NAPSA: variants seen among roughly 807,000 people sequenced by gnomAD.
NAPSA encodes the protein napsin A aspartic peptidase, also known as napsin-A.
Under a neutral mutation model 36.7 loss-of-function variants are expected in NAPSA, and 37 were observed. The ratio of observed to expected loss-of-function variants is 1.01; its 90% CI spans 0.78 to 1.33. NAPSA has a LOEUF of 1.33. NAPSA is among the 40% of genes most tolerant of loss of function. The pLI, the probability that NAPSA is intolerant of heterozygous loss-of-function variation, is 0.00. For synonymous variants in NAPSA, 222 were observed against 234.5 expected, an observed-to-expected ratio of 0.95 and a Z score of 0.49; for missense variants, 532 against 543.8, an observed-to-expected ratio of 0.98 and a Z score of 0.21.
rs929403759 is a variant in NAPSA, at chr19:50,358,753, A to G, written c.1063T>C (p.Leu355=). The G allele has an allele frequency of 3.7e-6, 6 of 1,612,948 alleles. No individual in the cohort carries two copies. The highest frequency in any genetic ancestry group is 5.1e-6 in the Non-Finnish European group (6 of 1,179,844). ...ACATCCAGGGCCTGGAAACCGGACA[A>G]GCAGAGGCGGACGCCATTTCGAGTA... ...QTTRNGVRLC[L]SGFQALDVPP... Residue 355 remains leucine, a synonymous_variant, in exon 9 of 9, where the codon TTG becomes CTG. Transcript: ENST00000253719.
chr19:50,359,837 C>G lies in NAPSA; in HGVS notation c.694G>C (p.Glu232Gln). The G allele has an allele frequency of 1.2e-6, 2 of 1,614,216 alleles. No individual in the cohort carries two copies. The highest frequency in any genetic ancestry group is 1.7e-6 in the Non-Finnish European group (2 of 1,180,026). Residue 232 changes from glutamate (E) to glutamine (Q), a missense_variant, in exon 6 of 9, where the codon GAG becomes CAG. Glu to Gln is a conservative substitution (Grantham distance 29, BLOSUM62 2). Around this residue, in one of 3 missense-constraint regions of NAPSA, gnomAD observed 385 missense variants for 371.5 expected, o/e 1.04. Transcript: ENST00000253719. ...NRDPEEPDGG[E>Q]LVLGGSDPAH... ...GGGTCCGAGCCCCCCAGGACCAGCT[C>G]TCCTCCATCAGGCTCTTCAGGGTCC...
chr19:50,359,926 A>G, intron 5 of NAPSA, 64 bp from the exon 6 acceptor site: 2 of 1,557,986 alleles, frequency 1.3e-6, no homozygotes, highest in Non-Finnish European at 8.7e-7. Context: ...AGCCCTAGGT[A>G]TTGCCAGGAA....
upstream of NAPSA, among the ~76,000 whole-genome samples, chr19:50,367,793 G>A (rs1018893418): frequency 2.0e-5 from 3 of 152,132 alleles, no homozygotes; most frequent in African/African-American, 7.2e-5. Flanking sequence ...CTTCCCTTCA[G>A]GGCATCAAGT....
upstream of NAPSA, among the ~76,000 whole-genome samples, chr19:50,366,646 GTTATTTATTTATTTATTTAT>G (rs56341915): frequency 1.4e-5 from 2 of 144,944 alleles, no homozygotes; most frequent in African/African-American, 2.5e-5. Context: ...GCATTGATGA[GTTATTTATTTATTTATTTAT>G]TTATTTATTT....
rs748885038 is a variant in NAPSA, at chr19:50,365,636, G to A, written c.-15C>T. The A allele has an allele frequency of 2.5e-6, 4 of 1,598,400 alleles. No homozygotes were observed. Among genetic ancestry groups the A allele is most frequent in the Non-Finnish European group, 2.6e-6 (3 of 1,172,610 alleles). ...GGTGGAGACATCGCTGGGGACCTGG[G>A]TGTGAACCCAGGTGTCCTGGGGCCT... is the stretch of plus-strand genomic sequence containing the variant. On this transcript the variant is annotated 5_prime_UTR_variant, in exon 1 of 9. Coordinates refer to ENST00000253719, the MANE Select transcript of NAPSA (RefSeq NM_004851.3).
At position 50,361,698 on chromosome 19, in the gene NAPSA, G is replaced by C; in HGVS notation, c.433C>G (p.Arg145Gly). The change falls in exon 4 of 9, where the codon CGG (arginine) becomes GGG (glycine). Residue 145 changes from arginine (R) to glycine (G), a missense_variant. Around this residue, in one of 3 missense-constraint regions of NAPSA, gnomAD observed 385 missense variants for 371.5 expected, o/e 1.04. Coordinates refer to ENST00000253719, the MANE Select transcript of NAPSA (RefSeq NM_004851.3). ...TKFAIQYGTGRVDGILSEDKL... is the reference protein window; with the variant it reads ...TKFAIQYGTGGVDGILSEDKL... The stretch of plus-strand genomic sequence containing the variant: ...TCCTCGCTCAGGATTCCATCTACCC[G>C]CCCAGTTCCATATTGAATGGCAAAC... 4.3e-6 allele frequency: 7 copies of C among 1,613,938 alleles called. No homozygotes were observed. Among genetic ancestry groups the C allele is most frequent in the Non-Finnish European group, 5.9e-6 (7 of 1,179,980 alleles).
intron 1 of NAPSA, 98 bp from the exon 2 acceptor site, chr19:50,362,411 A>G: frequency 8.7e-7 from 1 of 1,150,486 alleles, no homozygotes; most frequent in South Asian, 1.6e-5. Context: ...CAACATCTCC[A>G]AGGCACTACA....
rs768712866 is a variant in NAPSA, at chr19:50,359,618, CAGAG to C, written c.817_820del (p.Leu273ValfsTer117). 2 of 1,614,200 alleles carry C rather than the reference CAGAG, an allele frequency of 1.2e-6. No homozygotes were observed. Among genetic ancestry groups the C allele is most frequent in the South Asian group, 2.2e-5 (2 of 91,082 alleles). ...CAGGATGGCAGCACAGCCCTTGGCA[CAGAG>C]AGTCAGCCCTGGGCCCACCTTCACA... On this transcript the variant is annotated frameshift_variant, in exon 7 of 9. Transcript: ENST00000253719. LOFTEE classifies it high-confidence loss of function.
chr19:50,360,022 C>T (rs1158437037), intron 5 of NAPSA, among the ~76,000 whole-genome samples, 160 bp from the exon 6 acceptor site: 4 of 152,248 alleles, frequency 2.6e-5, no homozygotes, highest in Admixed American at 6.5e-5. Flanking sequence ...GACTGGAAGC[C>T]GGGCAAGAAA....
chr19:50,358,792 C>T lies in NAPSA; in HGVS notation c.1036-12G>A. On this transcript the variant is annotated splice_polypyrimidine_tract_variant and intron_variant, in intron 8 of 8. Transcript: ENST00000253719. The stretch of plus-strand genomic sequence containing the variant: ...CCATTTCGAGTAGTCTGCAAGGCAA[C>T]AAGACGACAACTGGGTGTCGCGGCC... 1.2e-6 allele frequency: 2 copies of T among 1,600,174 alleles called. No individual in the cohort carries two copies. Among genetic ancestry groups the T allele is most frequent in the Non-Finnish European group, 1.7e-6 (2 of 1,173,092 alleles).
upstream of NAPSA, among the ~76,000 whole-genome samples, chr19:50,367,027 A>G (rs2037557252): frequency 6.6e-6 from 1 of 151,882 alleles, no homozygotes; most frequent in African/African-American, 2.4e-5. Flanking sequence ...GTTTCATCAT[A>G]TTGGTCAGGC....
Position 50,358,782 on chromosome 19 carries a change from T to G in NAPSA, c.1036-2A>C, listed in dbSNP as rs1460536019. 1 of 1,606,460 alleles carries G rather than the reference T, an allele frequency of 6.2e-7. No individual in the cohort carries two copies. On this transcript the variant is annotated splice_acceptor_variant, in intron 8 of 8. Transcript: ENST00000253719. LOFTEE classifies it high-confidence loss of function. ...GAGGCGGACGCCATTTCGAGTAGTC[T>G]GCAAGGCAACAAGACGACAACTGGG...
intron 7 of NAPSA, 143 bp from the exon 8 acceptor site, chr19:50,359,252 CT>C: frequency 1.2e-6 from 1 of 859,344 alleles, no homozygotes; most frequent in African/African-American, 1.7e-5. Context: ...GCCGCCTAGA[CT>C]TACGCAGTCC....
At chr19:50,361,864 GCATGATAAAAGAACAGT>G in intron 3 of NAPSA, 83 bp from the exon 4 acceptor site, 1 of 1,601,074 alleles carries the variant, frequency 6.2e-7, no homozygotes, top group South Asian at 1.1e-5. Flanking sequence ...ACCTGTGAGG[GCATGATAAAAGAACAGT>G]TCCTCAAAAG....
upstream of NAPSA, among the ~76,000 whole-genome samples, chr19:50,366,784 C>T (rs1360889360): frequency 6.6e-6 from 1 of 151,690 alleles, no homozygotes; most frequent in Admixed American, 6.6e-5. Context: ...AATTCTGCCT[C>T]AGCCTCCCGA....
intron 5 of NAPSA, among the ~76,000 whole-genome samples, chr19:50,360,360 A>T (rs2037456025): frequency 6.6e-6 from 1 of 152,108 alleles, no homozygotes; most frequent in East Asian, 1.9e-4. Context: ...GGTTGGTAGA[A>T]CTGCTAGAGT....
Position 50,358,697 on chromosome 19 carries a change from G to A in NAPSA, c.1119C>T (p.Leu373=), listed in dbSNP as rs1056659079. The change falls in exon 9 of 9, where the codon CTC becomes CTT. Residue 373 remains leucine (L), a synonymous_variant. Coordinates refer to ENST00000253719, the MANE Select transcript of NAPSA (RefSeq NM_004851.3). ...VPPPAGPFWI[L]GDVFLGTYVA... Reference sequence around the variant, plus strand: ...CATACGTCCCCAAGAAGACGTCACCGAGGATCCAGAAGGGCCCTGCAGGCG... The same window carrying A: ...CATACGTCCCCAAGAAGACGTCACCAAGGATCCAGAAGGGCCCTGCAGGCG... 26 of 1,613,496 alleles carry A rather than the reference G, an allele frequency of 1.6e-5. No homozygotes were observed. Among genetic ancestry groups the A allele is most frequent in the Non-Finnish European group, 2.1e-5 (25 of 1,180,000 alleles).
chr19:50,367,617 G>A (rs2037566107), upstream of NAPSA, among the ~76,000 whole-genome samples: 1 of 151,508 alleles, frequency 6.6e-6, no homozygotes, highest in Non-Finnish European at 1.5e-5. Flanking sequence ...GCTACCTGGA[G>A]CTGGGAGTGG....
intron 7 of NAPSA, 134 bp downstream of exon 7, chr19:50,359,365 ACTAT>A: frequency 2.5e-6 from 3 of 1,180,386 alleles, no homozygotes; most frequent in Non-Finnish European, 3.6e-6. Context: ...CACCCTCCAG[ACTAT>A]CTGTCACGAA....
Sources: gnomAD v4.1 joint callset for allele counts (sites outside exome capture counted in the v4.1 genomes callset) on GRCh38, gnomAD v4.1.1 for gene constraint, gnomAD v4.1.1 regional missense constraint, MANE v1.5 for transcripts, NCBI Gene and HGNC (gene_info 2026-07-23, HGNC 2026-07-21) for gene names.